Variants in TTC38 observed in about 807,000 individuals in gnomAD.
The protein encoded by TTC38 is tetratricopeptide repeat protein 38.
In TTC38, 64 loss-of-function variants were observed where a neutral mutation model predicts 64.2. The ratio of observed to expected loss-of-function variants is 1.00; its 90% CI spans 0.81 to 1.23. The LOEUF is 1.23. TTC38 is among the 50% of genes most tolerant of loss of function. The pLI is 0.00. For synonymous variants in TTC38, 254 were observed against 249.3 expected, an observed-to-expected ratio of 1.02 and a Z score of -0.18; for missense variants, 573 against 615.5, an observed-to-expected ratio of 0.93 and a Z score of 0.73.
rs2077623844 is a variant in TTC38 at position 46,292,583 on chromosome 22, G to A, written c.1317-208G>A. Reference sequence around the variant, plus strand: ...CCACCTGTTGTGCCCCATCTCGGGTGTGGCTTCCTGCACTGGAGGTCTGTG... The same window carrying A: ...CCACCTGTTGTGCCCCATCTCGGGTATGGCTTCCTGCACTGGAGGTCTGTG... On this transcript the variant is annotated intron_variant, in intron 13 of 13. Transcript: ENST00000381031. This position sits in a 1 kb window ranked among gnomAD's most constrained non-coding sequence, Gnocchi z 6.5. Among the ~76,000 whole-genome samples the A allele has an allele frequency of 2.0e-5, 3 of 152,216 alleles. No homozygotes were observed. In the South Asian group the frequency reaches 6.2e-4, roughly 32 times the overall value.
rs2077488129 is a variant in TTC38 at position 46,276,499 on chromosome 22, C to T, written c.539+1078C>T. Among the ~76,000 whole-genome samples, 1 of 151,852 alleles carries T rather than the reference C, an allele frequency of 6.6e-6. No homozygotes were observed. The highest frequency in any genetic ancestry group is 2.4e-5 in the African/African-American group (1 of 41,300). On this transcript the variant is annotated intron_variant, in intron 5 of 13. Transcript: ENST00000381031. This position sits in a 1 kb window ranked among gnomAD's most constrained non-coding sequence, Gnocchi z 4.7. Reference sequence around the variant, plus strand: ...CCCAGGAGTTTGAGATAAGCTTGGTCAACATGGCAAGACTCTGTCTCTACA... The same window carrying T: ...CCCAGGAGTTTGAGATAAGCTTGGTTAACATGGCAAGACTCTGTCTCTACA...
chr22:46,270,126 A>G lies in TTC38; in HGVS notation c.111+1535A>G, dbSNP rs1936862403. ...CAGTTTGTTACACACCACATCCCCA[A>G]TCAGTGGCAGCTCATCCTCCCAGCC... On this transcript the variant is annotated intron_variant, in intron 2 of 13. Coordinates refer to ENST00000381031, the MANE Select transcript of TTC38 (RefSeq NM_017931.4). The surrounding 1 kb of genome is among the most constrained non-coding windows in gnomAD (Gnocchi z 4.7). Among the ~76,000 whole-genome samples, 2 of 151,904 alleles carry G rather than the reference A, an allele frequency of 1.3e-5. No homozygotes were observed. Among genetic ancestry groups the G allele is most frequent in the South Asian group, 2.1e-4 (1 of 4,794 alleles).
chr22:46,274,154 GAC>G lies in TTC38; in HGVS notation c.365+86_365+87del. On this transcript the variant is annotated intron_variant, in intron 4 of 13. Transcript: ENST00000381031. The surrounding 1 kb of genome is among the most constrained non-coding windows in gnomAD (Gnocchi z 4.8). The stretch of plus-strand genomic sequence containing the variant: ...GGTATCCCTTTCCTGATGCCCTTGG[GAC>G]GGGGGCGGGGTGGGAGAATGCTTCT... The G allele has an allele frequency of 9.3e-7, 1 of 1,078,148 alleles. No homozygotes were observed. The highest frequency in any genetic ancestry group is 1.4e-5 in the South Asian group (1 of 72,682). The allele number at this position is 1,078,148 out of a possible 1,614,324, so 66.8% of individuals were successfully genotyped here. A position where few individuals can be genotyped will look rare whatever the true frequency, so the allele number is the denominator to read the frequency against.
chr22:46,268,662 CT>C (rs1601861742), intron 2 of TTC38, 71 bp downstream of exon 2: 30 of 1,453,502 alleles, frequency 2.1e-5, no homozygotes, highest in Non-Finnish European at 2.7e-5. Context: ...TTGGGGAAAG[CT>C]GTTTTTTTGT....
Position 46,274,034 on chromosome 22 carries a change from G to GTAGAGA in TTC38, c.330_331insTAGAGA (p.Gln110_Leu111insTer). ...CCCAGCCGCTGACAAGGCGGGAGCA[G>GTAGAGA]CTGCACGTGTCTGCAGTAGAGACAT... On this transcript the variant is annotated stop_gained and inframe_insertion, in exon 4 of 14. Coordinates refer to ENST00000381031, the MANE Select transcript of TTC38 (RefSeq NM_017931.4). LOFTEE classifies it high-confidence loss of function. This position sits in a 1 kb window ranked among gnomAD's most constrained non-coding sequence, Gnocchi z 4.8. The GTAGAGA allele has an allele frequency of 1.2e-6, 2 of 1,614,194 alleles. No individual in the cohort carries two copies. The highest frequency in any genetic ancestry group is 1.7e-6 in the Non-Finnish European group (2 of 1,180,044).
At position 46,292,184 on chromosome 22, in the gene TTC38, A is replaced by C. The variant is rs2077621032; in HGVS notation, c.1317-607A>C. 4.5e-6 allele frequency: 2 copies of C among 439,996 alleles called. No homozygotes were observed. The highest frequency in any genetic ancestry group is 2.0e-5 in the African/African-American group (1 of 48,814). 27.3% of individuals were successfully genotyped at this position (439,996 alleles called of 1,614,324 possible). On this transcript the variant is annotated intron_variant, in intron 13 of 13. Transcript: ENST00000381031. The surrounding 1 kb of genome is among the most constrained non-coding windows in gnomAD (Gnocchi z 6.5). ...GTCTCTTCTTTCTTCTTTCTTTTTA[A>C]ATTTTTTTATATTTTTAGAGGCAAG...
At chr22:46,269,783 T>TA (rs2147782854) in intron 2 of TTC38, among the ~76,000 whole-genome samples, 1 of 152,310 alleles carries the variant, frequency 6.6e-6, no homozygotes, top group Non-Finnish European at 1.5e-5. Context: ...CGCCGGCCTC[T>TA]GTAGAGTACT....
At chr22:46,278,439 T>G in intron 5 of TTC38, 147 bp from the exon 6 acceptor site, 1 of 677,956 alleles carries the variant, frequency 1.5e-6, no homozygotes, top group Non-Finnish European at 2.6e-6. Context: ...TCCTCTAAAC[T>G]TATTACCTCT....
Position 46,274,016 on chromosome 22 carries a change from G to T in TTC38, c.312G>T (p.Pro104=), listed in dbSNP as rs200182517. 1.1e-3 allele frequency: 1,719 copies of T among 1,614,198 alleles called. 5 individuals are homozygous for T. The highest frequency in any genetic ancestry group is 1.7e-3 in the South Asian group (154 of 91,088). The stretch of plus-strand genomic sequence containing the variant: ...TGGTGGAGATTTCAAGAACCCAGCC[G>T]CTGACAAGGCGGGAGCAGCTGCACG... ...KTMVEISRTQ[P]LTRREQLHVS... The change falls in exon 4 of 14, where the codon CCG becomes CCT. Residue 104 remains proline, a synonymous_variant. Coordinates refer to ENST00000381031, the MANE Select transcript of TTC38 (RefSeq NM_017931.4). This position sits in a 1 kb window ranked among gnomAD's most constrained non-coding sequence, Gnocchi z 4.8.
At chr22:46,268,099 TC>T in intron 1 of TTC38, 27 bp downstream of exon 1, 1 of 1,532,222 alleles carries the variant, frequency 6.5e-7, no homozygotes. Flanking sequence ...CCCAACCAGG[TC>T]CCCCTCGGGC....
At position 46,288,657 on chromosome 22, in the gene TTC38, A is replaced by T. The variant is rs1009511188; in HGVS notation, c.1082+69A>T. 6 of 1,509,078 alleles carry T rather than the reference A, an allele frequency of 4.0e-6. No homozygotes were observed. The African/African-American group carries it at 6.8e-5, about 17-fold the overall frequency. The allele number at this position is 1,509,078 out of a possible 1,614,324, so 93.5% of individuals were successfully genotyped here. A position where few individuals can be genotyped will look rare whatever the true frequency, so the allele number is the denominator to read the frequency against. ...GAGAGGGTGAGGGGGTGCTAGGGCC[A>T]TGCTGAGACCTGTTCAGTGCCTGCC... On this transcript the variant is annotated intron_variant, in intron 11 of 13. Coordinates refer to ENST00000381031, the MANE Select transcript of TTC38 (RefSeq NM_017931.4).
chr22:46,283,536 A>G (rs909008009), intron 7 of TTC38, among the ~76,000 whole-genome samples: 2 of 151,974 alleles, frequency 1.3e-5, no homozygotes, highest in Admixed American at 6.6e-5. Flanking sequence ...AGTGCAGAAT[A>G]TTGTTTCCTG....
intron 5 of TTC38, among the ~76,000 whole-genome samples, chr22:46,277,503 A>G (rs58993485): frequency 0.15 from 22,521 of 150,952 alleles, 4,040 homozygotes; most frequent in African/African-American, 0.43. Context: ...TACTCAGGAG[A>G]CTGAGGAAGG....
At chr22:46,280,455 C>T (rs1189060824) in intron 6 of TTC38, among the ~76,000 whole-genome samples, 1 of 152,224 alleles carries the variant, frequency 6.6e-6, no homozygotes, top group Non-Finnish European at 1.5e-5. Flanking sequence ...GTCAGCTCAT[C>T]AGAGCTGGTG....
chr22:46,290,134 G>C (rs953373948), intron 13 of TTC38, among the ~76,000 whole-genome samples: 12 of 150,556 alleles, frequency 8.0e-5, no homozygotes, highest in South Asian at 6.4e-4. Flanking sequence ...CTCCCTTTTA[G>C]CCTTGCTAAG....
At chr22:46,277,042 T>TACACACACAC (rs1478498696) in intron 5 of TTC38, among the ~76,000 whole-genome samples, 40 of 71,454 alleles carry the variant, frequency 5.6e-4, no homozygotes, top group African/African-American at 2.1e-3. Flanking sequence ...TACATATATA[T>TACACACACAC]ACATACACAC....
chr22:46,281,469 C>A lies in TTC38; in HGVS notation c.616-130C>A. Reference sequence around the variant, plus strand: ...TAATTGTCAGTGTTTTGAGTCAGAGCCCCGCCCCCCCACTTGCTCCACCCC... The same window carrying A: ...TAATTGTCAGTGTTTTGAGTCAGAGACCCGCCCCCCCACTTGCTCCACCCC... On this transcript the variant is annotated intron_variant, in intron 6 of 13. Coordinates refer to ENST00000381031, the MANE Select transcript of TTC38 (RefSeq NM_017931.4). The surrounding 1 kb of genome is among the most constrained non-coding windows in gnomAD (Gnocchi z 5.2). 3 of 1,014,520 alleles carry A rather than the reference C, an allele frequency of 3.0e-6. No homozygotes were observed. The highest frequency in any genetic ancestry group is 1.6e-5 in the African/African-American group (1 of 62,640). The allele number at this position is 1,014,520 out of a possible 1,614,324, so 62.8% of individuals were successfully genotyped here. A position where few individuals can be genotyped will look rare whatever the true frequency, so the allele number is the denominator to read the frequency against.
chr22:46,279,934 A>C (rs1389262231), intron 6 of TTC38: 1 of 352,676 alleles, frequency 2.8e-6, no homozygotes, highest in East Asian at 8.7e-5. Flanking sequence ...GGCAAACCAG[A>C]TGTGGCAAGT....
Position 46,270,560 on chromosome 22 carries a change from C to T in TTC38, c.112-1775C>T, listed in dbSNP as rs574820151. Reference sequence around the variant, plus strand: ...GTTAAAAATGATGATGCGCTGGGCGCGGTGACTCACGCCTGTAATCCCAGC... The same window carrying T: ...GTTAAAAATGATGATGCGCTGGGCGTGGTGACTCACGCCTGTAATCCCAGC... On this transcript the variant is annotated intron_variant, in intron 2 of 13. Transcript: ENST00000381031. This position sits in a 1 kb window ranked among gnomAD's most constrained non-coding sequence, Gnocchi z 4.7. Among the ~76,000 whole-genome samples, 5 of 151,938 alleles carry T rather than the reference C, an allele frequency of 3.3e-5. No individual in the cohort carries two copies. Among genetic ancestry groups the T allele is most frequent in the Non-Finnish European group, 5.9e-5 (4 of 67,996 alleles).
Sources: allele counts gnomAD v4.1 joint callset (sites outside exome capture counted in the v4.1 genomes callset), GRCh38; gene constraint gnomAD v4.1.1; non-coding constraint Gnocchi (gnomAD v3.1); transcripts MANE v1.5; gene names NCBI Gene and HGNC (gene_info 2026-07-23, HGNC 2026-07-21).